The following ACOT6 variants were observed in gnomAD, a reference collection of about 807,000 sequenced individuals.
ACOT6 encodes acyl-coenzyme A thioesterase 6.
In ACOT6, 14 loss-of-function variants were observed where a neutral mutation model predicts 12.3. That is an observed-to-expected ratio of 1.14 (90% CI 0.75 to 1.78). The LOEUF (loss-of-function observed/expected upper bound fraction) is 1.78. Among genes scored for constraint, ACOT6 ranks in the 40% most tolerant of loss-of-function variants. ACOT6 has a pLI of 0.00. For missense variants in ACOT6, 523 were observed against 551.8 expected, an observed-to-expected ratio of 0.95 and a Z score of 0.52; for synonymous variants, 218 against 231.3, an observed-to-expected ratio of 0.94 and a Z score of 0.52.
In ACOT6 at chr14:73,619,530, G is replaced by T; in HGVS notation, c.957G>T (p.Leu319Phe). The change falls in exon 3 of 3, where the codon TTG becomes TTT. Residue 319 changes from leucine to phenylalanine, a missense_variant. By Grantham distance (22) the Leu-to-Phe change is conservative (BLOSUM62 0). Around this residue, in one of 2 missense-constraint regions of ACOT6, gnomAD observed 219 missense variants for 277.0 expected, o/e 0.79. Coordinates refer to ENST00000645972, the MANE Select transcript of ACOT6 (RefSeq NM_001365788.1). ...TGGAAAAGGCGCAGGTGCCCTTCTT[G>T]TTTATTGTTGGCATGGATGATCAAA... is the stretch of plus-strand genomic sequence containing the variant. ...VPLEKAQVPF[L>F]FIVGMDDQSW... is the part of the protein sequence containing the mutation. 6.2e-7 allele frequency: 1 copy of T among 1,614,210 alleles called. No individual in the cohort carries two copies. Among genetic ancestry groups the T allele is most frequent in the Non-Finnish European group, 8.5e-7 (1 of 1,180,038 alleles).
At chr14:73,615,340 TCA>T (rs1890515742) in intron 1 of ACOT6, among the ~76,000 whole-genome samples, 1 of 121,376 alleles carries the variant, frequency 8.2e-6, no homozygotes, top group Non-Finnish European at 1.6e-5. Context: ...TGAGCCAAAA[TCA>T]CACCACATCA....
chr14:73,618,325 A>ATTTATAATTTTGAAATATTTAGGT (rs1890573970), intron 2 of ACOT6, among the ~76,000 whole-genome samples: 11 of 151,814 alleles, frequency 7.2e-5, no homozygotes, highest in African/African-American at 2.7e-4. Flanking sequence ...GGCACCCCAG[A>ATTTATAATTTTGAAATATTTAGGT]ATTCTCTGCC....
intron 1 of ACOT6, among the ~76,000 whole-genome samples, chr14:73,615,123 C>T (rs1890511893): frequency 1.3e-5 from 2 of 150,244 alleles, no homozygotes; most frequent in Non-Finnish European, 3.0e-5. Context: ...CGCGGTGGCT[C>T]ACGCCTCTAA....
intron 2 of ACOT6, 21 bp from the exon 3 acceptor site, chr14:73,619,213 C>T: frequency 6.5e-7 from 1 of 1,531,340 alleles, no homozygotes; most frequent in African/African-American, 1.4e-5. Context: ...AGCTTGTTTT[C>T]CTTCTCTTTT....
intron 2 of ACOT6, among the ~76,000 whole-genome samples, chr14:73,617,451 C>CA (rs1467359026): frequency 1.3e-5 from 2 of 151,976 alleles, no homozygotes; most frequent in Non-Finnish European, 2.9e-5. Context: ...ACCCCTGTCT[C>CA]AAAAAAAGTT....
chr14:73,615,818 G>A (rs113492829), intron 1 of ACOT6, among the ~76,000 whole-genome samples: 1,760 of 152,228 alleles, frequency 0.012, 25 homozygotes, highest in Middle Eastern at 0.061. Flanking sequence ...TGAAGAGGCC[G>A]AGGTGGGAGC....
In ACOT6 at chr14:73,618,439, G is replaced by A. The variant is rs150779741; in HGVS notation, c.661-795G>A. Among the ~76,000 whole-genome samples, 180 of 151,190 alleles carry A rather than the reference G, an allele frequency of 1.2e-3. 10 individuals carry two copies. Among genetic ancestry groups the A allele is most frequent in the African/African-American group, 3.9e-3 (159 of 40,522 alleles). ...TGCAAGCTGGGGTGTCCACACATAT[G>A]TGTGAGAGGCCCCTTAAGGTCCACG... is the stretch of plus-strand genomic sequence containing the variant. On this transcript the variant is annotated intron_variant, in intron 2 of 2. Transcript: ENST00000645972.
upstream of ACOT6, chr14:73,612,417 G>T (rs1051933764): frequency 8.1e-5 from 37 of 459,394 alleles, no homozygotes; most frequent in East Asian, 1.3e-3. Flanking sequence ...AATTCTAGGC[G>T]CCCCACGCAG....
intron 1 of ACOT6, among the ~76,000 whole-genome samples, chr14:73,615,640 G>A (rs1308491706): frequency 6.6e-6 from 1 of 152,006 alleles, no homozygotes; most frequent in Non-Finnish European, 1.5e-5. Context: ...TGAGGCAGGA[G>A]AATCGCTTGA....
intron 1 of ACOT6, among the ~76,000 whole-genome samples, chr14:73,616,526 C>G (rs1890543730): frequency 6.6e-6 from 1 of 151,844 alleles, no homozygotes; most frequent in Non-Finnish European, 1.5e-5. Context: ...AACCCAGTCT[C>G]TACTAAAAAT....
Position 73,612,983 on chromosome 14 carries a change from C to A in ACOT6, c.412C>A (p.Pro138Thr), listed in dbSNP as rs1890474525. The change falls in exon 1 of 3, where the codon CCG (proline) becomes ACG (threonine). Residue 138 changes from proline (P) to threonine (T), a missense_variant. By Grantham distance (38) the Pro-to-Thr change is conservative. Transcript: ENST00000645972. Reference sequence around the variant, plus strand: ...TCTCCGGCCGGGGGTGCGGCGCGAGCCGGTGCGCGCGGGCCCGGTGCGCGC... The same window carrying A: ...TCTCCGGCCGGGGGTGCGGCGCGAGACGGTGCGCGCGGGCCCGGTGCGCGC... Reference protein sequence around the residue: ...DFLRPGVRREPVRAGPVRAAL... With the variant: ...DFLRPGVRRETVRAGPVRAAL... 2.5e-5 allele frequency: 28 copies of A among 1,120,496 alleles called. No individual in the cohort carries two copies. The highest frequency in any genetic ancestry group is 3.2e-5 in the Non-Finnish European group (27 of 833,998). 69.4% of individuals were successfully genotyped at this position (1,120,496 alleles called of 1,614,324 possible).
At chr14:73,612,331 C>T (rs923701497), upstream of ACOT6, among the ~76,000 whole-genome samples, 11 of 152,200 alleles carry the variant, frequency 7.2e-5, no homozygotes, top group Non-Finnish European at 1.0e-4. Context: ...CGTGATCCAC[C>T]GCCCCCGGCC....
intron 1 of ACOT6, among the ~76,000 whole-genome samples, chr14:73,613,583 C>T (rs116599420): frequency 0.015 from 2,251 of 152,250 alleles, 57 homozygotes; most frequent in African/African-American, 0.051. Flanking sequence ...GTACGTGGTT[C>T]TCAACCTGCA....
At position 73,618,289 on chromosome 14, in the gene ACOT6, C is replaced by T. The variant is rs146203818; in HGVS notation, c.661-945C>T. Reference sequence around the variant, plus strand: ...AGATGTTCTGCAGGGTTCTCTCCCCCACAACCCCTAGTGCTCTTGGGATCC... The same window carrying T: ...AGATGTTCTGCAGGGTTCTCTCCCCTACAACCCCTAGTGCTCTTGGGATCC... On this transcript the variant is annotated intron_variant, in intron 2 of 2. Transcript: ENST00000645972. Among the ~76,000 whole-genome samples the T allele has an allele frequency of 4.7e-3, 711 of 152,298 alleles. 2 individuals carry two copies. The highest frequency in any genetic ancestry group is 0.01 in the Middle Eastern group (3 of 294).
In ACOT6 at chr14:73,619,552, CA is replaced by C. The variant is rs766025257; in HGVS notation, c.982del (p.Ser328AlafsTer10). The C allele has an allele frequency of 1.3e-4, 203 of 1,614,038 alleles. No homozygotes were observed. The highest frequency in any genetic ancestry group is 3.3e-4 in the Middle Eastern group (2 of 6,084). ...CTTGTTTATTGTTGGCATGGATGAT[CA>C]AAGCTGGAAGAGTGAATTCTATGCT... is the stretch of plus-strand genomic sequence containing the variant. ...PFLFIVGMDDQSWKSEFYAQI... is the reference protein window; with the variant it reads ...PFLFIVGMDDXSWKSEFYAQI... On this transcript the variant is annotated frameshift_variant, in exon 3 of 3. Transcript: ENST00000645972. LOFTEE classifies it low-confidence loss of function (END_TRUNC).
In ACOT6 at chr14:73,619,843, T is replaced by C; in HGVS notation, c.*4T>C. 1.3e-6 allele frequency: 2 copies of C among 1,583,116 alleles called. No homozygotes were observed. Among genetic ancestry groups the C allele is most frequent in the Non-Finnish European group, 1.7e-6 (2 of 1,168,750 alleles). On this transcript the variant is annotated 3_prime_UTR_variant, in exon 3 of 3. Transcript: ENST00000645972. ...TGTCAAGCACAGCAAAATATAACAT[T>C]GTAGCCACAGACCAGATACCATTAA... is the stretch of plus-strand genomic sequence containing the variant.
rs538514205 is a variant in ACOT6, at chr14:73,612,635, G to A, written c.64G>A (p.Ala22Thr). ...RCCWDEPLRI[A>T]VRGLAPEQPV... ...CTGCTGGGACGAGCCGCTGCGCATCGCAGTGCGCGGCCTGGCCCCGGAGCA... is the reference window on the plus strand; with the variant it reads ...CTGCTGGGACGAGCCGCTGCGCATCACAGTGCGCGGCCTGGCCCCGGAGCA... Residue 22 changes from alanine (A) to threonine (T), a missense_variant, in exon 1 of 3, where the codon GCA becomes ACA. This residue lies in a region of ACOT6 where 304 missense variants were observed against 274.8 expected (regional missense o/e 1.11). Coordinates refer to ENST00000645972, the MANE Select transcript of ACOT6 (RefSeq NM_001365788.1). The A allele has an allele frequency of 8.4e-5, 118 of 1,402,902 alleles. No homozygotes were observed. In the African/African-American group the frequency reaches 9.2e-4, roughly 11 times the overall value. The allele number at this position is 1,402,902 out of a possible 1,614,324, so 86.9% of individuals were successfully genotyped here.
At chr14:73,616,916 C>T (rs1375401807) in intron 1 of ACOT6, 78 bp from the exon 2 acceptor site, 3 of 578,712 alleles carry the variant, frequency 5.2e-6, no homozygotes. Flanking sequence ...CCCCAATCTC[C>T]TTGGCTTCAA....
At chr14:73,612,221 G>A (rs1890454832), upstream of ACOT6, among the ~76,000 whole-genome samples, 1 of 152,046 alleles carries the variant, frequency 6.6e-6, no homozygotes, top group South Asian at 2.1e-4. Context: ...TGTATTTTCA[G>A]TAGAGATGAG....
Sources: allele counts gnomAD v4.1 joint callset (sites outside exome capture counted in the v4.1 genomes callset), GRCh38; gene constraint gnomAD v4.1.1; regional missense constraint gnomAD v4.1.1; transcripts MANE v1.5; gene names NCBI Gene and HGNC (gene_info 2026-07-23, HGNC 2026-07-21).